The following ELAC2 variants were observed in gnomAD, a reference collection of about 807,000 sequenced individuals.
ELAC2 encodes zinc phosphodiesterase ELAC protein 2.
ELAC2 carries 92 observed loss-of-function variants against 105.2 expected under a neutral mutation model. The ratio of observed to expected loss-of-function variants is 0.87; its 90% confidence interval spans 0.74 to 1.04. ELAC2 has a LOEUF of 1.04. ELAC2 is among the 50% of genes least tolerant of loss of function. ELAC2 has a pLI of 0.00. For missense variants in ELAC2, 1,099 were observed against 1,071.7 expected (o/e 1.03, Z -0.36); for synonymous variants, 468 against 409.1 (o/e 1.14, Z -1.74).
chr17:13,017,380 G>T, intron 1 of ELAC2: 1 of 626,044 alleles, frequency 1.6e-6, no homozygotes, highest in Non-Finnish European at 2.8e-6. Flanking sequence ...CACCAGATCT[G>T]TCCACCCCAC....
chr17:12,994,400 A>C (rs1347012758), intron 22 of ELAC2, 25 bp downstream of exon 22: 1 of 1,613,736 alleles, frequency 6.2e-7, no homozygotes, highest in Admixed American at 1.7e-5. Flanking sequence ...GATGTGGGCG[A>C]CAAGGACTGA....
intron 8 of ELAC2, among the ~76,000 whole-genome samples, chr17:13,007,773 G>T (rs1447890340): frequency 6.6e-6 from 1 of 152,178 alleles, no homozygotes; most frequent in Non-Finnish European, 1.5e-5. Flanking sequence ...AGCTACTCGG[G>T]AAGCTGATGC....
chr17:13,007,902 A>C (rs1412817453), intron 8 of ELAC2, among the ~76,000 whole-genome samples: 2 of 150,300 alleles, frequency 1.3e-5, no homozygotes, highest in African/African-American at 2.5e-5. Context: ...AAATAAAATA[A>C]ATAAAAGGTA....
Position 12,995,780 on chromosome 17 carries a change from C to T in ELAC2, c.1731G>A (p.Leu577=), listed in dbSNP as rs772768599. ...CTTTGAGCTGGTTGGGGGCAACCAC[C>T]AGCAAAGGGTGAAGCGGCTTTCCCA... is the stretch of plus-strand genomic sequence containing the variant. ...ASLGKPLHPL[L]VVAPNQLKAW... is the part of the protein sequence containing the mutation. The change falls in exon 19 of 24, where the codon CTG becomes CTA. Residue 577 remains leucine, a synonymous_variant. Coordinates refer to ENST00000338034, the MANE Select transcript of ELAC2 (RefSeq NM_018127.7). 3.1e-6 allele frequency: 5 copies of T among 1,612,776 alleles called. No homozygotes were observed. In the Admixed American group the frequency reaches 8.4e-5, roughly 27 times the overall value.
intron 8 of ELAC2, among the ~76,000 whole-genome samples, chr17:13,008,148 C>T (rs540596166): frequency 2.3e-4 from 35 of 150,890 alleles, no homozygotes; most frequent in African/African-American, 6.3e-4. Context: ...TGCAGTAAGT[C>T]GAGATGGCAA....
chr17:12,996,716 C>A (rs1336229005), intron 16 of ELAC2, 31 bp from the exon 17 acceptor site: 9 of 1,608,806 alleles, frequency 5.6e-6, no homozygotes, highest in Non-Finnish European at 7.6e-6. Flanking sequence ...AGAGTCACTG[C>A]CACTAGGAAG....
At chr17:13,007,046 G>A (rs750046781) in intron 8 of ELAC2, among the ~76,000 whole-genome samples, 6 of 151,486 alleles carry the variant, frequency 4.0e-5, no homozygotes, top group Admixed American at 6.6e-5. Flanking sequence ...GGAGGCGGAA[G>A]ATTGCAGTGA....
chr17:12,998,647 G>A (rs538720288), intron 15 of ELAC2, 139 bp from the exon 16 acceptor site: 20 of 820,386 alleles, frequency 2.4e-5, no homozygotes, highest in South Asian at 4.3e-5. Flanking sequence ...CTAGTATGGC[G>A]GTTTTGGGAG....
At chr17:13,003,411 G>A (rs998393107) in intron 12 of ELAC2, 68 bp downstream of exon 12, 8 of 1,412,416 alleles carry the variant, frequency 5.7e-6, no homozygotes, top group Admixed American at 1.7e-5. Flanking sequence ...AGAGCACGAG[G>A]GGAGGAAAGG....
In ELAC2 at chr17:13,018,019, G is replaced by C. The variant is rs750658377; in HGVS notation, c.-72C>G. On this transcript the variant is annotated 5_prime_UTR_variant, in exon 1 of 24. Coordinates refer to ENST00000338034, the MANE Select transcript of ELAC2 (RefSeq NM_018127.7). ...CGCGTTTCCCGTGCACCACCTAGCC[G>C]CTCCGCATGGCGGATCCAGCCAATC... The C allele has an allele frequency of 4.6e-6, 7 of 1,530,156 alleles. No homozygotes were observed. The highest frequency in any genetic ancestry group is 2.4e-5 in the South Asian group (2 of 83,416). The allele number at this position is 1,530,156 out of a possible 1,614,324, so 94.8% of individuals were successfully genotyped here.
chr17:13,004,863 C>T (rs146770454), intron 11 of ELAC2, 126 bp downstream of exon 11: 6 of 807,792 alleles, frequency 7.4e-6, no homozygotes, highest in Non-Finnish European at 1.3e-5. Context: ...GCAGGAGTGC[C>T]GGCCTCTGAA....
At position 12,993,650 on chromosome 17, in the gene ELAC2, C is replaced by T. The variant is rs754380431; in HGVS notation, c.2253+37G>A. ...GTGTGTAGAGTCCTGTCTCCCTGCCCCGTCCCCGCCCTGTGCTGTCCGTGT... is the reference window on the plus strand; with the variant it reads ...GTGTGTAGAGTCCTGTCTCCCTGCCTCGTCCCCGCCCTGTGCTGTCCGTGT... On this transcript the variant is annotated intron_variant, in intron 23 of 23. Coordinates refer to ENST00000338034, the MANE Select transcript of ELAC2 (RefSeq NM_018127.7). 4 of 1,613,588 alleles carry T rather than the reference C, an allele frequency of 2.5e-6. No individual in the cohort carries two copies. In the African/African-American group the frequency reaches 4.0e-5, roughly 16 times the overall value.
chr17:12,995,583 A>G (rs2143560469), intron 19 of ELAC2, 120 bp downstream of exon 19: 2 of 955,640 alleles, frequency 2.1e-6, no homozygotes, highest in Admixed American at 2.0e-5. Flanking sequence ...GCCATCTGGG[A>G]CCATGTCAAG....
At chr17:13,006,496 C>T (rs887446575) in intron 8 of ELAC2, 17 of 165,820 alleles carry the variant, frequency 1.0e-4, no homozygotes, top group Admixed American at 7.8e-4. Context: ...GTACTAAAAG[C>T]CAAAATGACT....
At chr17:13,013,400 A>C (rs1199604325) in intron 5 of ELAC2, 125 bp from the exon 6 acceptor site, 2 of 1,015,528 alleles carry the variant, frequency 2.0e-6, no homozygotes, top group African/African-American at 3.2e-5. Flanking sequence ...TCTGACACGA[A>C]AACCAGACTT....
chr17:12,996,510 T>A lies in ELAC2; in HGVS notation c.1659+37A>T, dbSNP rs199920072. The A allele has an allele frequency of 3.1e-6, 5 of 1,613,110 alleles. No homozygotes were observed. In the East Asian group the frequency reaches 1.1e-4, roughly 36 times the overall value. ...GCCAACTCAACGTGGCAGTGCCTCCTCCAGGCTCCAGCTTTGTGGTCCAGC... is the reference window on the plus strand; with the variant it reads ...GCCAACTCAACGTGGCAGTGCCTCCACCAGGCTCCAGCTTTGTGGTCCAGC... On this transcript the variant is annotated intron_variant, in intron 17 of 23. Transcript: ENST00000338034.
intron 8 of ELAC2, 73 bp from the exon 9 acceptor site, chr17:13,006,052 A>G: frequency 6.9e-7 from 1 of 1,454,058 alleles, no homozygotes; most frequent in Admixed American, 1.7e-5. Context: ...TTTTCTTAGA[A>G]GTGTATTTTT....
At position 12,992,007 on chromosome 17, in the gene ELAC2, C is replaced by A. The variant is rs1455297564; in HGVS notation, c.*811G>T. The stretch of plus-strand genomic sequence containing the variant: ...CTTCGAGGGCAAAGTGATCCTCACT[C>A]CTCTCAGTATGGAAGCAACAACACA... On this transcript the variant is annotated 3_prime_UTR_variant, in exon 24 of 24. Transcript: ENST00000338034. 6.6e-6 allele frequency among the ~76,000 whole-genome samples: 1 copy of A among 152,194 alleles called. No individual in the cohort carries two copies. The highest frequency in any genetic ancestry group is 1.9e-4 in the East Asian group (1 of 5,194).
chr17:13,008,086 A>C (rs550977629), intron 8 of ELAC2, among the ~76,000 whole-genome samples: 1 of 152,116 alleles, frequency 6.6e-6, no homozygotes, highest in African/African-American at 2.4e-5. Context: ...CTGTGATCCC[A>C]GCTACACGGG....
Sources: allele counts gnomAD v4.1 joint callset (sites outside exome capture counted in the v4.1 genomes callset), GRCh38; gene constraint gnomAD v4.1.1; transcripts MANE v1.5; gene names NCBI Gene and HGNC (gene_info 2026-07-23, HGNC 2026-07-21).